Variants in FPGT observed in about 807,000 individuals in gnomAD.
FPGT encodes GDP-L-fucose diphosphorylase.
In FPGT, 41 loss-of-function variants were observed where a neutral mutation model predicts 45.8. That is an observed-to-expected ratio of 0.90 (90% confidence interval 0.70 to 1.16). The LOEUF (loss-of-function observed/expected upper bound fraction) is 1.16, where lower values mean the gene tolerates loss of function less well. FPGT is among the 50% of genes most tolerant of loss of function. The pLI is 0.00. For synonymous variants in FPGT, 292 were observed against 247.2 expected (o/e 1.18, Z -1.70); for missense variants, 755 against 689.1 (o/e 1.10, Z -1.07).
In FPGT at chr1:74,201,334, A is replaced by T. The variant is rs556786628; in HGVS notation, c.267A>T (p.Thr89=). ...AGAKIGNGGS[T]LCALQCLEKL... is the part of the protein sequence containing the mutation. ...GTTTTTAAGGAAATGGAGGATCAAC[A>T]CTTTGTGCCCTTCAATGTTTGGAAA... The change falls in exon 3 of 4, where the codon ACA becomes ACT. Residue 89 remains threonine (T), a synonymous_variant. Transcript: ENST00000370898. The T allele has an allele frequency of 2.5e-6, 4 of 1,610,682 alleles. No individual in the cohort carries two copies. In the South Asian group the frequency reaches 4.4e-5, roughly 18 times the overall value.
rs527667774 is a variant in FPGT at position 74,208,190 on chromosome 1, G to A, written c.*2358G>A. On this transcript the variant is annotated 3_prime_UTR_variant, in exon 4 of 4. Transcript: ENST00000370898. The stretch of plus-strand genomic sequence containing the variant: ...GGATAAAAAAAGATGAATTAGGAAT[G>A]ATTCTAACCTAAGTATGTGTTTTAA... Among the ~76,000 whole-genome samples, 11 of 150,736 alleles carry A rather than the reference G, an allele frequency of 7.3e-5. No individual in the cohort carries two copies. Among genetic ancestry groups the A allele is most frequent in the Non-Finnish European group, 1.5e-4 (10 of 67,674 alleles).
Position 74,204,929 on chromosome 1 carries a change from G to A in FPGT, c.882G>A (p.Leu294=). 1.2e-6 allele frequency: 2 copies of A among 1,614,004 alleles called. No homozygotes were observed. The highest frequency in any genetic ancestry group is 1.7e-6 in the Non-Finnish European group (2 of 1,179,956). The part of the protein sequence containing the change: ...LLAFYEKIGT[L]SCEIDAYGDF... ...CTTTTTATGAAAAAATAGGCACACTGAGCTGTGAAATAGATGCCTATGGTG... is the reference window on the plus strand; with the variant it reads ...CTTTTTATGAAAAAATAGGCACACTAAGCTGTGAAATAGATGCCTATGGTG... The change falls in exon 4 of 4, where the codon CTG becomes CTA. Residue 294 remains leucine (L), a synonymous_variant. Coordinates refer to ENST00000370898, the MANE Select transcript of FPGT (RefSeq NM_003838.5).
At position 74,198,909 on chromosome 1, in the gene FPGT, G is replaced by A. The variant is rs553602633; in HGVS notation, c.82+549G>A. On this transcript the variant is annotated intron_variant, in intron 1 of 3. Transcript: ENST00000370898. ...TAAAAGTGATTATATTTGTGTTGCA[G>A]TGACTGCTTAAAAAATACTGGGACT... 9.4e-4 allele frequency among the ~76,000 whole-genome samples: 143 copies of A among 152,310 alleles called. 1 individual carries two copies. Among genetic ancestry groups the A allele is most frequent in the African/African-American group, 3.2e-3 (131 of 41,568 alleles).
intron 3 of FPGT, among the ~76,000 whole-genome samples, chr1:74,203,825 TGAG>T (rs968838631): frequency 6.6e-6 from 1 of 151,958 alleles, no homozygotes; most frequent in Non-Finnish European, 1.5e-5. Flanking sequence ...GTGAATCACC[TGAG>T]GTCAGGAGTT....
chr1:74,201,186 T>G, intron 2 of FPGT, 132 bp from the exon 3 acceptor site: 3 of 631,484 alleles, frequency 4.8e-6, no homozygotes, highest in Non-Finnish European at 8.1e-6. Flanking sequence ...GCCAATACCT[T>G]TGATGTCCAT....
At chr1:74,199,624 T>G in intron 1 of FPGT, 40 bp from the exon 2 acceptor site, 1 of 1,593,730 alleles carries the variant, frequency 6.3e-7, no homozygotes, top group Non-Finnish European at 8.5e-7. Context: ...TAGAAAATTC[T>G]GATAATTTTT....
chr1:74,198,435 G>A (rs770072561), intron 1 of FPGT, 75 bp downstream of exon 1: 7 of 1,576,714 alleles, frequency 4.4e-6, no homozygotes, highest in Non-Finnish European at 6.0e-6. Context: ...AGGTTTGCTG[G>A]ACTGTCACTT....
At position 74,204,685 on chromosome 1, in the gene FPGT, A is replaced by G. The variant is rs143587621; in HGVS notation, c.638A>G (p.Asp213Gly). 4 of 1,613,438 alleles carry G rather than the reference A, an allele frequency of 2.5e-6. No homozygotes were observed. The Admixed American group carries it at 5.0e-5, about 20-fold the overall frequency. ...GTATTTGTCTTAGATCCTTTTGATG[A>G]TTTAAAACATAGAGACCTTGAATAC... ...HGVFVLDPFD[D>G]LKHRDLEYRS... The change falls in exon 4 of 4, where the codon GAT becomes GGT. Residue 213 changes from aspartate (D) to glycine (G), a missense_variant. Physicochemically the swap from Asp to Gly is moderately conservative, Grantham distance 94. Transcript: ENST00000370898.
chr1:74,203,299 T>C (rs1056807470), intron 3 of FPGT, among the ~76,000 whole-genome samples: 2 of 152,192 alleles, frequency 1.3e-5, no homozygotes, highest in Non-Finnish European at 2.9e-5. Context: ...CCTATGTATA[T>C]GCTGTCCATA....
chr1:74,198,287 T>C lies in FPGT; in HGVS notation c.9T>C (p.Ala3=), dbSNP rs200343931. 9.9e-6 allele frequency: 16 copies of C among 1,613,906 alleles called. No homozygotes were observed. The highest frequency in any genetic ancestry group is 1.3e-5 in the Non-Finnish European group (15 of 1,179,972). Residue 3 remains alanine (A), a synonymous_variant, in exon 1 of 4, where the codon GCT becomes GCC. Coordinates refer to ENST00000370898, the MANE Select transcript of FPGT (RefSeq NM_003838.5). ...TCAGGGAAGGTGGGGCTATGGCAGC[T>C]GCTAGGGACCCTCCGGAAGTATCGC... MA[A]ARDPPEVSLR...
Position 74,205,747 on chromosome 1 carries a change from T to C in FPGT, c.1700T>C (p.Met567Thr), listed in dbSNP as rs777770818. ...TATAAGTTGCTGTCCATTGAAGAAA[T>C]GCTTATCTACAAAGATGTAGAAGAT... The part of the protein sequence containing the change: ...NSYKLLSIEE[M>T]LIYKDVEDMI... Residue 567 changes from methionine to threonine, a missense_variant, in exon 4 of 4, where the codon ATG becomes ACG. Met to Thr is a moderately conservative substitution (Grantham distance 81, BLOSUM62 -1). Transcript: ENST00000370898. 1 of 1,599,284 alleles carries C rather than the reference T, an allele frequency of 6.3e-7. No individual in the cohort carries two copies. The highest frequency in any genetic ancestry group is 1.3e-5 in the African/African-American group (1 of 74,806).
Position 74,205,079 on chromosome 1 carries a change from A to G in FPGT, c.1032A>G (p.Thr344=). ...RQRIFHLLKG[T]SLNVVVLNNS... The stretch of plus-strand genomic sequence containing the variant: ...GAATATTTCATCTTCTTAAAGGAAC[A>G]TCACTAAATGTTGTTGTTCTTAATA... The change falls in exon 4 of 4, where the codon ACA becomes ACG. Residue 344 remains threonine, a synonymous_variant. Transcript: ENST00000370898. 6.2e-7 allele frequency: 1 copy of G among 1,613,782 alleles called. No homozygotes were observed. The highest frequency in any genetic ancestry group is 8.5e-7 in the Non-Finnish European group (1 of 1,179,758).
Position 74,204,780 on chromosome 1 carries a change from C to T in FPGT, c.733C>T (p.Pro245Ser). ...GTATCAGTTTAATGCTGTGTGTAGACCTGGAAATTTTTGTCAACAGGACTT... is the reference window on the plus strand; with the variant it reads ...GTATCAGTTTAATGCTGTGTGTAGATCTGGAAATTTTTGTCAACAGGACTT... ...KMYQFNAVCRPGNFCQQDFAG... is the reference protein window; with the variant it reads ...KMYQFNAVCRSGNFCQQDFAG... Residue 245 changes from proline to serine, a missense_variant, in exon 4 of 4, where the codon CCT becomes TCT. Coordinates refer to ENST00000370898, the MANE Select transcript of FPGT (RefSeq NM_003838.5). The T allele has an allele frequency of 1.2e-6, 2 of 1,613,550 alleles. No individual in the cohort carries two copies. The highest frequency in any genetic ancestry group is 1.7e-6 in the Non-Finnish European group (2 of 1,179,828).
At chr1:74,198,465 T>C (rs4422957) in intron 1 of FPGT, 105 bp downstream of exon 1, 719,260 of 1,502,812 alleles carry the variant, frequency 0.48, 177,083 homozygotes, top group East Asian at 0.7. Flanking sequence ...TTCTCATCTG[T>C]AGGCCTATGA....
intron 2 of FPGT, chr1:74,200,924 C>T (rs930269949): frequency 6.4e-6 from 1 of 156,296 alleles, no homozygotes; most frequent in Non-Finnish European, 1.4e-5. Context: ...GAAAGGAACT[C>T]TAACTTGTGT....
chr1:74,205,163 T>C lies in FPGT; in HGVS notation c.1116T>C (p.Asp372=), dbSNP rs1652162516. 1 of 1,613,396 alleles carries C rather than the reference T, an allele frequency of 6.2e-7. No homozygotes were observed. The highest frequency in any genetic ancestry group is 1.7e-5 in the Admixed American group (1 of 59,998). ...AATATTTGTTTTACTTTACCTCAGA[T>C]AACAGTTTAAAGTCAGAGCTCGGCT... ...TEEYLFYFTS[D]NSLKSELGLQ... is the part of the protein sequence containing the mutation. The change falls in exon 4 of 4, where the codon GAT becomes GAC. Residue 372 remains aspartate (D), a synonymous_variant. Coordinates refer to ENST00000370898, the MANE Select transcript of FPGT (RefSeq NM_003838.5).
chr1:74,205,570 T>G lies in FPGT; in HGVS notation c.1523T>G (p.Val508Gly). ...TGCTTAGATGTTTGGAATCTTAAAG[T>G]TACAGAGGAACTGTTCTCTGGTAAC... ...LSCLDVWNLKVTEELFSGNKT... is the reference protein window; with the variant it reads ...LSCLDVWNLKGTEELFSGNKT... Residue 508 changes from valine (V) to glycine (G), a missense_variant, in exon 4 of 4, where the codon GTT becomes GGT. Physicochemically the swap from Val to Gly is moderately radical, Grantham distance 109 (BLOSUM62 -3). Coordinates refer to ENST00000370898, the MANE Select transcript of FPGT (RefSeq NM_003838.5). 1 of 1,613,824 alleles carries G rather than the reference T, an allele frequency of 6.2e-7. No homozygotes were observed. The highest frequency in any genetic ancestry group is 8.5e-7 in the Non-Finnish European group (1 of 1,179,740).
intron 2 of FPGT, among the ~76,000 whole-genome samples, chr1:74,200,105 T>C (rs1404750006): frequency 5.3e-5 from 8 of 152,216 alleles, no homozygotes; most frequent in Admixed American, 5.2e-4. Context: ...ATAGGAATAC[T>C]CCTTTGGACC....
chr1:74,205,009 C>T lies in FPGT; in HGVS notation c.962C>T (p.Ser321Leu), dbSNP rs539785322. 92 of 1,613,940 alleles carry T rather than the reference C, an allele frequency of 5.7e-5. 1 individual carries two copies. In the South Asian group the frequency reaches 9.7e-4, roughly 17 times the overall value. The part of the protein sequence containing the change: ...GATVEYTRNT[S>L]NVIKEESELV... ...ACTGTGGAGTACACCAGAAACACAT[C>T]AAATGTCATTAAAGAAGAGTCAGAG... The change falls in exon 4 of 4, where the codon TCA becomes TTA. Residue 321 changes from serine to leucine, a missense_variant. By Grantham distance (145) the Ser-to-Leu change is moderately radical (BLOSUM62 -2). Transcript: ENST00000370898.
Sources: gnomAD v4.1 joint callset for allele counts (sites outside exome capture counted in the v4.1 genomes callset) on GRCh38, gnomAD v4.1.1 for gene constraint, MANE v1.5 for transcripts, NCBI Gene and HGNC (gene_info 2026-07-23, HGNC 2026-07-21) for gene names.